CACNA1E: variants seen among roughly 807,000 people sequenced by gnomAD.
CACNA1E encodes the protein calcium voltage-gated channel subunit alpha1 E.
A neutral mutation model predicts 259.2 loss-of-function variants in CACNA1E; 40 were observed. That is an observed-to-expected ratio of 0.15 (90% CI 0.12 to 0.20). The LOEUF is 0.20. CACNA1E is among the 10% of genes least tolerant of loss of function. CACNA1E has a pLI of 1.00. For missense variants in CACNA1E, 1,874 were observed against 3,040.1 expected, an observed-to-expected ratio of 0.62 and a Z score of 9.02; for synonymous variants, 1,104 against 1,138.5, an observed-to-expected ratio of 0.97 and a Z score of 0.61.
intron 1 of CACNA1E, among the ~76,000 whole-genome samples, chr1:181,367,976 A>G (rs1654401973): frequency 6.6e-6 from 1 of 152,206 alleles, no homozygotes; most frequent in Admixed American, 6.5e-5. Context: ...TGCCCCTGTA[A>G]TCCCAGCACT....
chr1:181,651,268 C>A, intron 6 of CACNA1E, 70 bp from the exon 7 acceptor site: 1 of 998,286 alleles, frequency 1.0e-6, no homozygotes, highest in Non-Finnish European at 1.6e-6. Flanking sequence ...CTCTGTGCAG[C>A]TGCAAGAATG....
rs564920959 is a variant in CACNA1E at position 181,690,315 on chromosome 1, G to T, written c.1056-20639G>T. Reference sequence around the variant, plus strand: ...GTGTGGCATTATTTCTGAGGCCTCTGTTCTGTTCCATTGGTCTATATATCT... The same window carrying T: ...GTGTGGCATTATTTCTGAGGCCTCTTTTCTGTTCCATTGGTCTATATATCT... On this transcript the variant is annotated intron_variant, in intron 7 of 47. Coordinates refer to ENST00000367573, the MANE Select transcript of CACNA1E (RefSeq NM_001205293.3). Among the ~76,000 whole-genome samples, 390 of 152,194 alleles carry T rather than the reference G, an allele frequency of 2.6e-3. 4 individuals carry two copies. Among genetic ancestry groups the T allele is most frequent in the African/African-American group, 9.0e-3 (374 of 41,528 alleles).
chr1:181,647,975 C>A (rs1029460406), intron 6 of CACNA1E, among the ~76,000 whole-genome samples: 1 of 152,190 alleles, frequency 6.6e-6, no homozygotes, highest in Non-Finnish European at 1.5e-5. Context: ...TCCAGAAGAA[C>A]CTTTTAAGCT....
At chr1:181,594,851 A>G (rs796131971) in intron 6 of CACNA1E, among the ~76,000 whole-genome samples, 56 of 152,326 alleles carry the variant, frequency 3.7e-4, no homozygotes, top group African/African-American at 1.3e-3. Context: ...AGAAAAATGT[A>G]TGTGTGAGAG....
At chr1:181,454,900 A>G (rs1661366930) in intron 2 of CACNA1E, among the ~76,000 whole-genome samples, 1 of 152,262 alleles carries the variant, frequency 6.6e-6, no homozygotes, top group South Asian at 2.1e-4. Flanking sequence ...AAAGTGAACA[A>G]AAATGCAAAG....
chr1:181,351,170 A>T (rs1035286936), intron 1 of CACNA1E, among the ~76,000 whole-genome samples: 1 of 152,134 alleles, frequency 6.6e-6, no homozygotes, highest in African/African-American at 2.4e-5. Context: ...GGCTGGGAAT[A>T]CCTTGAGGAG....
chr1:181,329,734 C>T (rs1439706034), intron 1 of CACNA1E, among the ~76,000 whole-genome samples: 1 of 152,206 alleles, frequency 6.6e-6, no homozygotes, highest in Non-Finnish European at 1.5e-5. Flanking sequence ...CTATGACACT[C>T]TCTTATAGCA....
intron 1 of CACNA1E, among the ~76,000 whole-genome samples, chr1:181,392,604 G>A (rs977877702): frequency 6.6e-6 from 1 of 152,206 alleles, no homozygotes; most frequent in Admixed American, 6.5e-5. Flanking sequence ...GAAGGGAAAT[G>A]TATTCAGTCC....
At chr1:181,397,626 G>A (rs936490260) in intron 1 of CACNA1E, among the ~76,000 whole-genome samples, 3 of 152,134 alleles carry the variant, frequency 2.0e-5, no homozygotes, top group African/African-American at 7.2e-5. Flanking sequence ...CTCTCATCAC[G>A]TCACTAGGAA....
In CACNA1E at chr1:181,766,557, T is replaced by C; in HGVS notation, c.4827T>C (p.Tyr1609=). Residue 1609 remains tyrosine, a synonymous_variant, in exon 35 of 48, where the codon TAT becomes TAC. Coordinates refer to ENST00000367573, the MANE Select transcript of CACNA1E (RefSeq NM_001205293.3). ...TGCTTTCCTTCCAGGCCCTCCCTTA[T>C]GTCTGCCTTTTAATTGCCATGCTTT... ...TFVQSFKALP[Y]VCLLIAMLFF... 6.2e-7 allele frequency: 1 copy of C among 1,613,346 alleles called. No individual in the cohort carries two copies. Among genetic ancestry groups the C allele is most frequent in the East Asian group, 2.2e-5 (1 of 44,884 alleles).
chr1:181,715,306 G>A (rs748406317), intron 8 of CACNA1E, 32 bp from the exon 9 acceptor site: 3 of 1,435,568 alleles, frequency 2.1e-6, no homozygotes, highest in Non-Finnish European at 1.9e-6. Flanking sequence ...GGCATTTACA[G>A]ATAATTTACC....
intron 25 of CACNA1E, among the ~76,000 whole-genome samples, chr1:181,748,465 G>C (rs1367537267): frequency 6.6e-6 from 1 of 152,170 alleles, no homozygotes; most frequent in African/African-American, 2.4e-5. Flanking sequence ...CGCAGAAGAC[G>C]CATGTCTATG....
At chr1:181,466,127 T>C (rs1662137095) in intron 2 of CACNA1E, among the ~76,000 whole-genome samples, 1 of 152,210 alleles carries the variant, frequency 6.6e-6, no homozygotes, top group Non-Finnish European at 1.5e-5. Context: ...TTGATTTTCA[T>C]GCAGTTTATT....
intron 1 of CACNA1E, among the ~76,000 whole-genome samples, chr1:181,410,140 G>A (rs559268302): frequency 2.0e-5 from 3 of 152,150 alleles, no homozygotes; most frequent in Non-Finnish European, 2.9e-5. Flanking sequence ...GGGTGTGCGC[G>A]TGCATGTGGT....
At chr1:181,591,726 A>G (rs1054335276) in intron 6 of CACNA1E, among the ~76,000 whole-genome samples, 14 of 152,190 alleles carry the variant, frequency 9.2e-5, no homozygotes, top group South Asian at 8.3e-4. Flanking sequence ...TTTACTATCT[A>G]TGTGACTTTG....
chr1:181,573,245 T>C (rs1650598811), intron 3 of CACNA1E, among the ~76,000 whole-genome samples: 1 of 152,226 alleles, frequency 6.6e-6, no homozygotes. Context: ...ACTGCGGTGT[T>C]TCCCATTCTC....
chr1:181,429,190 C>A (rs6682859), intron 2 of CACNA1E, among the ~76,000 whole-genome samples: 5,107 of 151,954 alleles, frequency 0.034, 306 homozygotes, highest in African/African-American at 0.11. Context: ...TTAAAAAAAA[C>A]AAAAAAGAAT....
chr1:181,431,440 G>A (rs556963333), intron 2 of CACNA1E, among the ~76,000 whole-genome samples: 10 of 152,314 alleles, frequency 6.6e-5, no homozygotes, highest in African/African-American at 2.4e-4. Flanking sequence ...CCAGGGTGAT[G>A]GATGCCAGAG....
chr1:181,545,425 G>T (rs1647338305), intron 3 of CACNA1E, among the ~76,000 whole-genome samples: 1 of 152,180 alleles, frequency 6.6e-6, no homozygotes, highest in Admixed American at 6.5e-5. Context: ...ACTGAGGCAG[G>T]GAAGACAGTG....
Sources: gnomAD v4.1 joint callset for allele counts (sites outside exome capture counted in the v4.1 genomes callset) on GRCh38, gnomAD v4.1.1 for gene constraint, MANE v1.5 for transcripts, NCBI Gene and HGNC (gene_info 2026-07-23, HGNC 2026-07-21) for gene names.